The following ASTN2 variants were observed in gnomAD, a reference collection of about 807,000 sequenced individuals.
ASTN2 encodes astrotactin 2, also known as astrotactin-2.
In ASTN2, 54 loss-of-function variants were observed where a neutral mutation model predicts 139.8. The observed-to-expected ratio is 0.39, with a 90% confidence interval of 0.31 to 0.48. The LOEUF (loss-of-function observed/expected upper bound fraction) is 0.48, where lower values mean the gene tolerates loss of function less well. Ranked by LOEUF, ASTN2 falls within the 20% of genes least tolerant of loss-of-function variation. The probability of loss-of-function intolerance (pLI) is 0.95; values close to 1 mark genes in which losing one functional copy is unlikely to be tolerated. For synonymous variants in ASTN2, 756 were observed against 719.5 expected (o/e 1.05, Z -0.81); for missense variants, 1,565 against 1,725.1 (o/e 0.91, Z 1.64).
chr9:117,086,349 C>T (rs563499799), intron 5 of ASTN2, among the ~76,000 whole-genome samples: 6 of 152,152 alleles, frequency 3.9e-5, no homozygotes, highest in East Asian at 1.9e-4. Context: ...CCGAGGCAGG[C>T]GGATCACAAG....
At chr9:116,498,579 T>TA (rs1329567171) in intron 19 of ASTN2, among the ~76,000 whole-genome samples, 2 of 150,666 alleles carry the variant, frequency 1.3e-5, no homozygotes, top group African/African-American at 4.9e-5. Flanking sequence ...GCCTGGGCAA[T>TA]AGAGTGAGAC....
chr9:116,651,915 G>C, intron 16 of ASTN2, 122 bp from the exon 17 acceptor site: 1 of 1,230,574 alleles, frequency 8.1e-7, no homozygotes, highest in Non-Finnish European at 1.1e-6. Flanking sequence ...GTAAAAAGAT[G>C]ATAGAGTGAT....
chr9:117,065,099 T>A (rs899395938), intron 5 of ASTN2, among the ~76,000 whole-genome samples: 1 of 152,066 alleles, frequency 6.6e-6, no homozygotes, highest in Non-Finnish European at 1.5e-5. Context: ...AAAACAGGGA[T>A]TGGAGCAATG....
At chr9:117,101,313 C>T (rs986451711) in intron 4 of ASTN2, among the ~76,000 whole-genome samples, 1 of 152,116 alleles carries the variant, frequency 6.6e-6, no homozygotes, top group Non-Finnish European at 1.5e-5. Flanking sequence ...GAAAAGGGCC[C>T]CCTCTGTTAG....
At chr9:117,145,375 A>T (rs905692036) in intron 3 of ASTN2, among the ~76,000 whole-genome samples, 2 of 152,208 alleles carry the variant, frequency 1.3e-5, no homozygotes, top group African/African-American at 4.8e-5. Context: ...TTACACTCCC[A>T]GATCCACCCT....
chr9:117,250,069 C>T (rs951397993), intron 2 of ASTN2, among the ~76,000 whole-genome samples: 1 of 152,320 alleles, frequency 6.6e-6, no homozygotes, highest in East Asian at 1.9e-4. Flanking sequence ...CCACTGCCCC[C>T]GCAGGGACTT....
At chr9:116,794,567 G>C (rs1194947154) in intron 13 of ASTN2, among the ~76,000 whole-genome samples, 1 of 152,138 alleles carries the variant, frequency 6.6e-6, no homozygotes, top group Non-Finnish European at 1.5e-5. Context: ...GTTTAGAAGA[G>C]CAGCCCTTCA....
chr9:116,900,234 T>C (rs150300292), intron 10 of ASTN2, among the ~76,000 whole-genome samples: 111 of 152,342 alleles, frequency 7.3e-4, no homozygotes, highest in African/African-American at 2.6e-3. Context: ...ATGATGATGA[T>C]AGTTACCATT....
At chr9:116,985,095 C>T (rs1426163167) in intron 7 of ASTN2, among the ~76,000 whole-genome samples, 2 of 152,172 alleles carry the variant, frequency 1.3e-5, no homozygotes, top group Non-Finnish European at 2.9e-5. Context: ...AGTTCCCTCC[C>T]TCTCTGGGGC....
chr9:117,226,117 T>G lies in ASTN2; in HGVS notation c.631-11375A>C, dbSNP rs117731812. Among the ~76,000 whole-genome samples the G allele has an allele frequency of 2.6e-3, 394 of 152,304 alleles. 7 individuals are homozygous for G. The East Asian group carries it at 0.05, about 19-fold the overall frequency. On this transcript the variant is annotated intron_variant, in intron 2 of 22. Transcript: ENST00000313400. The stretch of plus-strand genomic sequence containing the variant: ...AGAGAAAGTGAGGATAAAAAAGATT[T>G]TTCTTGCAATTCCAATTACAGTCAA...
chr9:116,882,969 G>A (rs576130349), intron 10 of ASTN2, among the ~76,000 whole-genome samples: 6 of 152,166 alleles, frequency 3.9e-5, no homozygotes, highest in Non-Finnish European at 8.8e-5. Flanking sequence ...AACATTTATG[G>A]AAAGCAATCT....
At chr9:116,642,132 C>CAAAAAAAAAAA (rs1252642911) in intron 17 of ASTN2, among the ~76,000 whole-genome samples, 10 of 48,928 alleles carry the variant, frequency 2.0e-4, no homozygotes, top group African/African-American at 3.1e-4. Flanking sequence ...TCCCAACCCA[C>CAAAAAAAAAAA]AAAAAAAAAA....
intron 3 of ASTN2, among the ~76,000 whole-genome samples, chr9:117,214,018 TAGTC>T (rs1443658793): frequency 6.6e-6 from 1 of 152,182 alleles, no homozygotes; most frequent in Non-Finnish European, 1.5e-5. Context: ...AACCCTCTAA[TAGTC>T]AGTAATTGTG....
rs190091054 is a variant in ASTN2 at position 117,005,280 on chromosome 9, G to T, written c.1591+2812C>A. On this transcript the variant is annotated intron_variant, in intron 7 of 22. Transcript: ENST00000313400. ...TTTTTTTTTGTATTTTAGTAGACAG[G>T]GTTTCACCATGTTGGCCAGGATGGT... 7.9e-3 allele frequency among the ~76,000 whole-genome samples: 1,199 copies of T among 151,036 alleles called. 6 individuals are homozygous for T. Among genetic ancestry groups the T allele is most frequent in the Admixed American group, 0.012 (176 of 15,156 alleles).
intron 6 of ASTN2, among the ~76,000 whole-genome samples, chr9:117,009,260 A>G (rs1837444577): frequency 6.6e-6 from 1 of 152,186 alleles, no homozygotes; most frequent in African/African-American, 2.4e-5. Context: ...GCGTAGGCCA[A>G]TATTTGCTCT....
intron 6 of ASTN2, among the ~76,000 whole-genome samples, chr9:117,018,410 A>G (rs1443019181): frequency 6.8e-6 from 1 of 147,172 alleles, no homozygotes; most frequent in Non-Finnish European, 1.5e-5. Context: ...CACTAAGAAT[A>G]ACCATATTAG....
At chr9:116,775,351 T>A (rs1235075756) in intron 13 of ASTN2, among the ~76,000 whole-genome samples, 1 of 151,460 alleles carries the variant, frequency 6.6e-6, no homozygotes, top group Non-Finnish European at 1.5e-5. Context: ...GAGATACCTC[T>A]ATAGACCAGC....
At chr9:117,078,316 T>C in intron 5 of ASTN2, among the ~76,000 whole-genome samples, 1 of 152,180 alleles carries the variant, frequency 6.6e-6, no homozygotes. Flanking sequence ...TCTCCCTGTT[T>C]CCAGTTTTCC....
chr9:117,131,059 G>C (rs1192758888), intron 4 of ASTN2, among the ~76,000 whole-genome samples: 2 of 152,188 alleles, frequency 1.3e-5, no homozygotes, highest in East Asian at 3.8e-4. Context: ...AATTAGAAAA[G>C]AGCTGAAGTT....
Sources: allele counts gnomAD v4.1 joint callset (sites outside exome capture counted in the v4.1 genomes callset), GRCh38; gene constraint gnomAD v4.1.1; transcripts MANE v1.5; gene names NCBI Gene and HGNC (gene_info 2026-07-23, HGNC 2026-07-21).